The following LRRTM4 variants were observed in gnomAD, a reference collection of about 807,000 sequenced individuals.
LRRTM4 encodes leucine-rich repeat transmembrane neuronal protein 4.
A neutral mutation model predicts 47.6 loss-of-function variants in LRRTM4; 25 were observed. The observed-to-expected ratio is 0.53, with a 90% CI of 0.38 to 0.73. LRRTM4 has a LOEUF of 0.73. Ranked by LOEUF, LRRTM4 falls within the 30% of genes least tolerant of loss-of-function variation. The probability of loss-of-function intolerance (pLI) is 0.00; values close to 1 mark genes in which losing one functional copy is unlikely to be tolerated. For missense variants in LRRTM4, 638 were observed against 713.4 expected (o/e 0.89, Z 1.20); for synonymous variants, 311 against 269.5 (o/e 1.15, Z -1.51).
At chr2:76,786,829 A>T (rs573614477) in intron 3 of LRRTM4, among the ~76,000 whole-genome samples, 10 of 151,864 alleles carry the variant, frequency 6.6e-5, no homozygotes, top group East Asian at 5.8e-4. Context: ...AGGAACTGGA[A>T]TTTCATATTG....
chr2:77,067,011 AT>A (rs1416314539), intron 3 of LRRTM4, among the ~76,000 whole-genome samples: 3 of 150,442 alleles, frequency 2.0e-5, no homozygotes, highest in Non-Finnish European at 4.4e-5. Flanking sequence ...ATGACAAGGT[AT>A]TGGCCAAAGA....
At chr2:76,761,985 G>A (rs1015707106) in intron 3 of LRRTM4, among the ~76,000 whole-genome samples, 1 of 152,154 alleles carries the variant, frequency 6.6e-6, no homozygotes, top group Non-Finnish European at 1.5e-5. Context: ...TAAATCATAG[G>A]AGGAGATGAT....
chr2:77,378,404 A>C (rs1299520188), intron 3 of LRRTM4, among the ~76,000 whole-genome samples: 5 of 152,038 alleles, frequency 3.3e-5, no homozygotes, highest in Non-Finnish European at 7.4e-5. Flanking sequence ...AGCTACTTTA[A>C]ATTTATTCTA....
intron 3 of LRRTM4, among the ~76,000 whole-genome samples, chr2:76,865,167 TTG>T (rs1257299728): frequency 6.6e-6 from 1 of 152,170 alleles, no homozygotes; most frequent in African/African-American, 2.4e-5. Flanking sequence ...TCATTTATCA[TTG>T]TGTGTTTGCC....
intron 3 of LRRTM4, among the ~76,000 whole-genome samples, chr2:77,321,764 A>T (rs945565379): frequency 1.3e-5 from 2 of 152,108 alleles, no homozygotes; most frequent in African/African-American, 4.8e-5. Flanking sequence ...ATTATCGTGC[A>T]ATGAATAAAT....
At chr2:77,151,853 C>A (rs1672439806) in intron 3 of LRRTM4, among the ~76,000 whole-genome samples, 1 of 152,154 alleles carries the variant, frequency 6.6e-6, no homozygotes, top group African/African-American at 2.4e-5. Flanking sequence ...ATATTTCTCA[C>A]TACTTTCTTA....
At chr2:77,133,198 T>A (rs1484094543) in intron 3 of LRRTM4, among the ~76,000 whole-genome samples, 1 of 152,194 alleles carries the variant, frequency 6.6e-6, no homozygotes, top group Non-Finnish European at 1.5e-5. Context: ...TATGCTAGTG[T>A]TGTCAACTTT....
rs186051992 is a variant in LRRTM4, at chr2:76,886,000, C to G, written c.1552-137084G>C. Among the ~76,000 whole-genome samples, 300 of 152,220 alleles carry G rather than the reference C, an allele frequency of 2.0e-3. 1 individual carries two copies. The highest frequency in any genetic ancestry group is 7.1e-3 in the African/African-American group (295 of 41,554). Reference sequence around the variant, plus strand: ...GAAAAACTAGACATAGAATGGTACACTATAAGAAATATAACTCATTTCTAA... The same window carrying G: ...GAAAAACTAGACATAGAATGGTACAGTATAAGAAATATAACTCATTTCTAA... On this transcript the variant is annotated intron_variant, in intron 3 of 3. Coordinates refer to ENST00000409884, the MANE Select transcript of LRRTM4 (RefSeq NM_001134745.3).
At chr2:77,305,560 T>A (rs1384570172) in intron 3 of LRRTM4, among the ~76,000 whole-genome samples, 3 of 152,136 alleles carry the variant, frequency 2.0e-5, no homozygotes, top group Non-Finnish European at 4.4e-5. Flanking sequence ...CTTTAGGCAC[T>A]AGCAATTTCA....
chr2:77,398,004 A>T (rs1673767641), intron 3 of LRRTM4, among the ~76,000 whole-genome samples: 1 of 151,824 alleles, frequency 6.6e-6, no homozygotes, highest in Non-Finnish European at 1.5e-5. Flanking sequence ...CTGGAATGAC[A>T]AATTCCTATA....
At chr2:77,234,509 TA>T (rs1675051963) in intron 3 of LRRTM4, among the ~76,000 whole-genome samples, 1 of 152,200 alleles carries the variant, frequency 6.6e-6, no homozygotes, top group South Asian at 2.1e-4. Context: ...ACAAGTATAT[TA>T]AAAATTGATT....
At chr2:76,853,441 C>T (rs75555906) in intron 3 of LRRTM4, among the ~76,000 whole-genome samples, 1 of 152,192 alleles carries the variant, frequency 6.6e-6, no homozygotes, top group Non-Finnish European at 1.5e-5. Context: ...AAGTCAATTG[C>T]TTTCTTGCTG....
At chr2:77,471,685 C>G (rs1310320630) in intron 3 of LRRTM4, among the ~76,000 whole-genome samples, 1 of 152,172 alleles carries the variant, frequency 6.6e-6, no homozygotes, top group Non-Finnish European at 1.5e-5. Flanking sequence ...GATAGCTTCT[C>G]TAACTTTTTG....
intron 3 of LRRTM4, among the ~76,000 whole-genome samples, chr2:77,480,408 A>G (rs1677628827): frequency 6.6e-6 from 1 of 152,116 alleles, no homozygotes; most frequent in African/African-American, 2.4e-5. Context: ...GGAATAGTTT[A>G]TTTATCCGAT....
intron 3 of LRRTM4, among the ~76,000 whole-genome samples, chr2:76,873,115 C>A (rs573033822): frequency 6.6e-6 from 1 of 152,218 alleles, no homozygotes; most frequent in East Asian, 1.9e-4. Flanking sequence ...CACTCTACTT[C>A]CAGCATACTA....
chr2:76,814,193 A>G (rs1447990649), intron 3 of LRRTM4, among the ~76,000 whole-genome samples: 1 of 152,094 alleles, frequency 6.6e-6, no homozygotes, highest in Non-Finnish European at 1.5e-5. Context: ...TTATTATTTC[A>G]ATTTGTTTAT....
chr2:76,829,410 T>A (rs1216909659), intron 3 of LRRTM4, among the ~76,000 whole-genome samples: 1 of 151,882 alleles, frequency 6.6e-6, no homozygotes, highest in African/African-American at 2.4e-5. Context: ...AAGGATTCGG[T>A]TTAATCCTAC....
intron 3 of LRRTM4, among the ~76,000 whole-genome samples, chr2:77,100,356 A>G (rs1356649688): frequency 6.6e-6 from 1 of 152,208 alleles, no homozygotes; most frequent in Non-Finnish European, 1.5e-5. Flanking sequence ...ATTTCATACA[A>G]CATAATAGGA....
chr2:77,269,892 G>T (rs1168022122), intron 3 of LRRTM4, among the ~76,000 whole-genome samples: 2 of 152,180 alleles, frequency 1.3e-5, no homozygotes, highest in African/African-American at 4.8e-5. Flanking sequence ...CAGGATCCCT[G>T]GTTCCTCACA....
Sources: gnomAD v4.1 joint callset for allele counts (sites outside exome capture counted in the v4.1 genomes callset) on GRCh38, gnomAD v4.1.1 for gene constraint, MANE v1.5 for transcripts, NCBI Gene and HGNC (gene_info 2026-07-23, HGNC 2026-07-21) for gene names.